FRMPD2: variants seen among roughly 807,000 people sequenced by gnomAD.
FRMPD2 encodes FERM and PDZ domain-containing protein 2.
In FRMPD2, 96 loss-of-function variants were observed where a neutral mutation model predicts 140.1. That is an observed-to-expected ratio of 0.69 (90% confidence interval 0.58 to 0.81). The LOEUF (loss-of-function observed/expected upper bound fraction) is 0.81, where lower values mean the gene tolerates loss of function less well. Among genes scored for constraint, FRMPD2 ranks in the 40% least tolerant of loss-of-function variants. FRMPD2 has a pLI of 0.00. For missense variants in FRMPD2, 1,240 were observed against 1,447.4 expected, an observed-to-expected ratio of 0.86 and a Z score of 2.32; for synonymous variants, 449 against 547.6, an observed-to-expected ratio of 0.82 and a Z score of 2.52.
chr10:48,235,506 T>C (rs1839947227), intron 9 of FRMPD2, among the ~76,000 whole-genome samples: 1 of 152,160 alleles, frequency 6.6e-6, no homozygotes, highest in Non-Finnish European at 1.5e-5. Context: ...CAATGGGATT[T>C]TGCTGGAGTG....
chr10:48,201,481 C>T (rs999197226), intron 14 of FRMPD2, 97 bp from the exon 15 acceptor site: 3 of 1,107,558 alleles, frequency 2.7e-6, no homozygotes, highest in African/African-American at 3.1e-5. Flanking sequence ...GGTTCCACAC[C>T]CTGTAGCAGG....
chr10:48,187,348 G>A lies in FRMPD2; in HGVS notation c.2166-56C>T, dbSNP rs186121284. 1.4e-3 allele frequency: 2,068 copies of A among 1,489,084 alleles called. 3 individuals carry two copies. The highest frequency in any genetic ancestry group is 1.6e-3 in the Non-Finnish European group (1,696 of 1,074,742). The allele number at this position is 1,489,084 out of a possible 1,614,324, so 92.2% of individuals were successfully genotyped here. A position where few individuals can be genotyped will look rare whatever the true frequency, so the allele number is the denominator to read the frequency against. ...GGTGGCCCACGGGGAAGGACAGTGAGGTTAGATAAGGTGGCTCAGGGAGGC... is the reference window on the plus strand; with the variant it reads ...GGTGGCCCACGGGGAAGGACAGTGAAGTTAGATAAGGTGGCTCAGGGAGGC... On this transcript the variant is annotated intron_variant, in intron 16 of 28. Coordinates refer to ENST00000374201, the MANE Select transcript of FRMPD2 (RefSeq NM_001018071.4).
intron 1 of FRMPD2, 144 bp downstream of exon 1, chr10:48,274,399 T>C: frequency 1.4e-6 from 1 of 723,532 alleles, no homozygotes; most frequent in East Asian, 2.5e-5. Flanking sequence ...GAACAAATAA[T>C]ACTCCAAATA....
intron 26 of FRMPD2, among the ~76,000 whole-genome samples, chr10:48,170,545 T>C (rs1180788807): frequency 6.6e-6 from 1 of 151,760 alleles, no homozygotes; most frequent in East Asian, 2.0e-4. Flanking sequence ...CTCTGTCTAA[T>C]ATATACAGTA....
intron 10 of FRMPD2, among the ~76,000 whole-genome samples, chr10:48,227,577 T>G (rs1839752032): frequency 6.6e-6 from 1 of 152,216 alleles, no homozygotes; most frequent in Admixed American, 6.5e-5. Flanking sequence ...TTTTTCACGC[T>G]CTTTTTGTGG....
chr10:48,220,009 A>C (rs1236809004), intron 12 of FRMPD2, among the ~76,000 whole-genome samples: 1 of 152,228 alleles, frequency 6.6e-6, no homozygotes, highest in Non-Finnish European at 1.5e-5. Context: ...ACTCTATGAT[A>C]TTATCACACC....
At chr10:48,178,593 C>A (rs1419481574) in intron 21 of FRMPD2, among the ~76,000 whole-genome samples, 6 of 152,126 alleles carry the variant, frequency 3.9e-5, no homozygotes, top group Non-Finnish European at 8.8e-5. Context: ...CTAAAGTCCA[C>A]CATACCACAG....
chr10:48,265,767 G>A (rs1232182256), intron 1 of FRMPD2, among the ~76,000 whole-genome samples: 2 of 152,172 alleles, frequency 1.3e-5, no homozygotes, highest in Non-Finnish European at 2.9e-5. Flanking sequence ...ATTGTTGGTG[G>A]GAGTGTAAAT....
intron 1 of FRMPD2, among the ~76,000 whole-genome samples, chr10:48,252,634 G>A (rs1319358566): frequency 6.6e-6 from 1 of 152,164 alleles, no homozygotes; most frequent in African/African-American, 2.4e-5. Context: ...AGGAAGAGAG[G>A]CTGGTTTCAG....
chr10:48,257,101 T>A (rs1211885833), intron 1 of FRMPD2, among the ~76,000 whole-genome samples: 1 of 150,736 alleles, frequency 6.6e-6, no homozygotes, highest in African/African-American at 2.4e-5. Flanking sequence ...CTGCCCGCAT[T>A]CCTCAGCTAT....
intron 1 of FRMPD2, among the ~76,000 whole-genome samples, chr10:48,260,514 T>A (rs1840568294): frequency 6.6e-6 from 1 of 152,214 alleles, no homozygotes; most frequent in African/African-American, 2.4e-5. Context: ...ATTCAAACTC[T>A]GATCTCTTCC....
chr10:48,162,021 G>A (rs1837954189), intron 28 of FRMPD2, among the ~76,000 whole-genome samples: 2 of 150,446 alleles, frequency 1.3e-5, no homozygotes, highest in African/African-American at 5.0e-5. Flanking sequence ...ATCCAAACAA[G>A]TGCCTCCTCC....
intron 15 of FRMPD2, among the ~76,000 whole-genome samples, chr10:48,196,575 T>G (rs879598978): frequency 6.6e-6 from 1 of 152,154 alleles, no homozygotes; most frequent in South Asian, 2.1e-4. Flanking sequence ...GGTGACCACC[T>G]TTGTACAAGA....
At chr10:48,161,277 G>A (rs1837933906) in intron 28 of FRMPD2, among the ~76,000 whole-genome samples, 1 of 150,320 alleles carries the variant, frequency 6.7e-6, no homozygotes, top group Admixed American at 6.6e-5. Flanking sequence ...AAAAGGAGCA[G>A]TCCCTCCAAG....
At position 48,184,792 on chromosome 10, in the gene FRMPD2, C is replaced by G. The variant is rs1838639253; in HGVS notation, c.2449G>C (p.Ala817Pro). The change falls in exon 19 of 29, where the codon GCA (alanine) becomes CCA (proline). Residue 817 changes from alanine to proline, a missense_variant. Coordinates refer to ENST00000374201, the MANE Select transcript of FRMPD2 (RefSeq NM_001018071.4). ...SIIPGGPAEK[A>P]KTIKPGGQIL... Reference sequence around the variant, plus strand: ...GATGTACCTGGTTTGATCGTTTTTGCTTTTTCTGCTGGTCCTCCAGGTATA... The same window carrying G: ...GATGTACCTGGTTTGATCGTTTTTGGTTTTTCTGCTGGTCCTCCAGGTATA... 4 of 1,612,976 alleles carry G rather than the reference C, an allele frequency of 2.5e-6. No individual in the cohort carries two copies. Among genetic ancestry groups the G allele is most frequent in the South Asian group, 1.1e-5 (1 of 90,732 alleles).
intron 15 of FRMPD2, among the ~76,000 whole-genome samples, chr10:48,195,174 T>A (rs1420709599): frequency 6.6e-6 from 1 of 152,226 alleles, no homozygotes; most frequent in Non-Finnish European, 1.5e-5. Flanking sequence ...TCTTGCAGCC[T>A]TCTTGTGGAA....
In FRMPD2 at chr10:48,223,289, A is replaced by G; in HGVS notation, c.1169-19T>C. Reference sequence around the variant, plus strand: ...TCTTTGCCTGAAATGGAAATAGAGCATGTGTGGAAGGAGAAGCAGTAGGGA... The same window carrying G: ...TCTTTGCCTGAAATGGAAATAGAGCGTGTGTGGAAGGAGAAGCAGTAGGGA... On this transcript the variant is annotated intron_variant, in intron 10 of 28. Coordinates refer to ENST00000374201, the MANE Select transcript of FRMPD2 (RefSeq NM_001018071.4). The G allele has an allele frequency of 6.2e-7, 1 of 1,606,022 alleles. No homozygotes were observed. Among genetic ancestry groups the G allele is most frequent in the Non-Finnish European group, 8.5e-7 (1 of 1,175,712 alleles).
intron 2 of FRMPD2, among the ~76,000 whole-genome samples, chr10:48,249,779 C>T (rs1840332543): frequency 6.6e-6 from 1 of 152,170 alleles, no homozygotes; most frequent in Non-Finnish European, 1.5e-5. Flanking sequence ...CCATAGTCAT[C>T]CTTGGATACC....
chr10:48,190,888 A>T (rs527989157), intron 16 of FRMPD2, among the ~76,000 whole-genome samples: 1 of 152,342 alleles, frequency 6.6e-6, no homozygotes, highest in Non-Finnish European at 1.5e-5. Context: ...TGCGGGCAAC[A>T]CATCCTCAAG....
Sources: allele counts gnomAD v4.1 joint callset (sites outside exome capture counted in the v4.1 genomes callset), GRCh38; gene constraint gnomAD v4.1.1; transcripts MANE v1.5; gene names NCBI Gene and HGNC (gene_info 2026-07-23, HGNC 2026-07-21).